The following PTPRK variants were observed in gnomAD, a reference collection of about 807,000 sequenced individuals.
PTPRK encodes receptor-type tyrosine-protein phosphatase kappa.
PTPRK carries 75 observed loss-of-function variants against 178.0 expected under a neutral mutation model. The ratio of observed to expected loss-of-function variants is 0.42; its 90% CI spans 0.35 to 0.51. PTPRK has a LOEUF of 0.51. Ranked by LOEUF, PTPRK falls within the 20% of genes least tolerant of loss-of-function variation. PTPRK has a pLI of 0.02. For synonymous variants in PTPRK, 637 were observed against 620.6 expected (o/e 1.03, Z -0.39); for missense variants, 1,441 against 1,797.8 (o/e 0.80, Z 3.59).
intron 7 of PTPRK, among the ~76,000 whole-genome samples, chr6:128,146,508 ATCTT>A (rs1562670442): frequency 6.7e-6 from 1 of 150,224 alleles, no homozygotes; most frequent in African/African-American, 2.5e-5. Context: ...CTGTGGCATG[ATCTT>A]GGTTCACTGC....
At chr6:128,486,870 A>AGGGAG (rs1326248983) in intron 1 of PTPRK, among the ~76,000 whole-genome samples, 2 of 151,544 alleles carry the variant, frequency 1.3e-5, no homozygotes, top group African/African-American at 4.9e-5. Flanking sequence ...GGAGGGAGGG[A>AGGGAG]GGATTTATGA....
chr6:128,322,032 T>C lies in PTPRK; in HGVS notation c.495+7A>G, dbSNP rs374096394. The C allele has an allele frequency of 7.7e-5, 125 of 1,613,748 alleles. No homozygotes were observed. The African/African-American group carries it at 1.5e-3, about 19-fold the overall frequency. ...AAAACATACACCAGAAAAGTACAGA[T>C]GATTACCTGATATTCATTGGGCCAA... On this transcript the variant is annotated splice_region_variant and intron_variant, in intron 3 of 29. Transcript: ENST00000368226.
intron 7 of PTPRK, among the ~76,000 whole-genome samples, chr6:128,121,028 A>C (rs1320188108): frequency 2.6e-5 from 4 of 151,648 alleles, no homozygotes; most frequent in Non-Finnish European, 5.9e-5. Flanking sequence ...CAAAATATTT[A>C]TTGAGTAATA....
At chr6:128,127,891 C>A (rs1363857759) in intron 7 of PTPRK, among the ~76,000 whole-genome samples, 1 of 152,098 alleles carries the variant, frequency 6.6e-6, no homozygotes, top group Non-Finnish European at 1.5e-5. Context: ...CTCTTTCAAG[C>A]CTGTGGATCA....
chr6:128,498,301 C>A (rs1461145309), intron 1 of PTPRK, among the ~76,000 whole-genome samples: 1 of 152,144 alleles, frequency 6.6e-6, no homozygotes, highest in Non-Finnish European at 1.5e-5. Context: ...TTGATGCAGC[C>A]CAGAGAATCT....
Position 128,450,082 on chromosome 6 carries a change from C to T in PTPRK, c.101-52394G>A, listed in dbSNP as rs1847582658. ...GCAGCAAGCTGAGATCACGCCATTT[C>T]ACTCCAGCCTGGGTGACAAAGCAAG... On this transcript the variant is annotated intron_variant, in intron 1 of 29. Coordinates refer to ENST00000368226, the MANE Select transcript of PTPRK (RefSeq NM_002844.4). Among the ~76,000 whole-genome samples the T allele has an allele frequency of 2.7e-5, 4 of 150,246 alleles. No homozygotes were observed. The South Asian group carries it at 8.4e-4, about 31-fold the overall frequency.
At chr6:128,382,517 C>T (rs1349411634) in intron 2 of PTPRK, among the ~76,000 whole-genome samples, 1 of 151,462 alleles carries the variant, frequency 6.6e-6, no homozygotes, top group African/African-American at 2.4e-5. Context: ...AAGAGATACT[C>T]CTGCCTCAGC....
intron 3 of PTPRK, among the ~76,000 whole-genome samples, chr6:128,265,582 C>T (rs1818822194): frequency 6.6e-6 from 1 of 152,090 alleles, no homozygotes; most frequent in African/African-American, 2.4e-5. Context: ...CAGATTCTAA[C>T]CCAGATAGTC....
At chr6:128,396,933 G>A (rs1213174307) in intron 2 of PTPRK, among the ~76,000 whole-genome samples, 2 of 152,180 alleles carry the variant, frequency 1.3e-5, no homozygotes, top group Non-Finnish European at 2.9e-5. Context: ...GGGAGGCAGA[G>A]ATCGCAGTGA....
chr6:128,306,821 C>A (rs887443374), intron 3 of PTPRK, among the ~76,000 whole-genome samples: 4 of 151,818 alleles, frequency 2.6e-5, no homozygotes, highest in Non-Finnish European at 5.9e-5. Flanking sequence ...TTAAGAGAAT[C>A]AAAATTTATA....
intron 6 of PTPRK, among the ~76,000 whole-genome samples, chr6:128,214,428 A>G (rs115508969): frequency 0.01 from 1,532 of 152,208 alleles, 24 homozygotes; most frequent in African/African-American, 0.035. Flanking sequence ...CTCAGTTACT[A>G]TCTTATCTGA....
intron 6 of PTPRK, among the ~76,000 whole-genome samples, chr6:128,200,533 T>C (rs1805711862): frequency 6.6e-6 from 1 of 151,784 alleles, no homozygotes; most frequent in Admixed American, 6.6e-5. Flanking sequence ...AAGACCAGCC[T>C]GGGGAACACA....
At chr6:128,108,092 A>G (rs1272621831) in intron 7 of PTPRK, among the ~76,000 whole-genome samples, 2 of 151,452 alleles carry the variant, frequency 1.3e-5, no homozygotes, top group African/African-American at 4.9e-5. Context: ...ACACACACAC[A>G]CACACACACA....
rs372829756 is a variant in PTPRK at position 128,117,873 on chromosome 6, G to A, written c.1163-27881C>T. 5.9e-5 allele frequency among the ~76,000 whole-genome samples: 9 copies of A among 152,186 alleles called. No homozygotes were observed. The East Asian group carries it at 1.2e-3, about 20-fold the overall frequency. On this transcript the variant is annotated intron_variant, in intron 7 of 29. Transcript: ENST00000368226. ...TTACCATGTTGGCCAGACTGGTCTC[G>A]AACTCCTGACCTCAGGCAATCCACC...
chr6:128,496,583 C>T (rs557707765), intron 1 of PTPRK, among the ~76,000 whole-genome samples: 1 of 152,292 alleles, frequency 6.6e-6, no homozygotes, highest in South Asian at 2.1e-4. Flanking sequence ...GTTATCCTTA[C>T]ATGGTCCTGT....
chr6:128,038,850 C>A (rs762497924), intron 13 of PTPRK, among the ~76,000 whole-genome samples: 3 of 152,000 alleles, frequency 2.0e-5, no homozygotes, highest in Non-Finnish European at 4.4e-5. Flanking sequence ...ATTCTTCATG[C>A]AACAATTTTA....
At chr6:128,199,978 C>T (rs896001893) in intron 6 of PTPRK, among the ~76,000 whole-genome samples, 3 of 152,158 alleles carry the variant, frequency 2.0e-5, no homozygotes, top group African/African-American at 7.2e-5. Flanking sequence ...TGGAGTTCTA[C>T]AGCCATCTTT....
intron 1 of PTPRK, among the ~76,000 whole-genome samples, chr6:128,461,608 A>T (rs1297769667): frequency 6.6e-6 from 1 of 152,220 alleles, no homozygotes; most frequent in Non-Finnish European, 1.5e-5. Context: ...TGCTGTTAAG[A>T]TATAATTCAC....
At chr6:128,379,790 G>C (rs1286486423) in intron 2 of PTPRK, among the ~76,000 whole-genome samples, 1 of 152,148 alleles carries the variant, frequency 6.6e-6, no homozygotes, top group Non-Finnish European at 1.5e-5. Flanking sequence ...GCTAGACAGA[G>C]GGAAAAAGCC....
Sources: gnomAD v4.1 joint callset for allele counts (sites outside exome capture counted in the v4.1 genomes callset) on GRCh38, gnomAD v4.1.1 for gene constraint, MANE v1.5 for transcripts, NCBI Gene and HGNC (gene_info 2026-07-23, HGNC 2026-07-21) for gene names.